The following SIPA1L3 variants were observed in gnomAD, a reference collection of about 807,000 sequenced individuals.
The protein encoded by SIPA1L3 is signal-induced proliferation-associated 1-like protein 3.
A neutral mutation model predicts 150.1 loss-of-function variants in SIPA1L3; 59 were observed. That is an observed-to-expected ratio of 0.39 (90% CI 0.32 to 0.49). The LOEUF is 0.49. SIPA1L3 is among the 20% of genes least tolerant of loss of function. SIPA1L3 has a pLI of 0.86. For missense variants in SIPA1L3, 2,211 were observed against 2,489.5 expected (o/e 0.89, Z 2.38); for synonymous variants, 1,070 against 1,077.6 (o/e 0.99, Z 0.14).
intron 2 of SIPA1L3, among the ~76,000 whole-genome samples, chr19:38,077,580 T>G (rs899735608): frequency 1.2e-4 from 18 of 151,834 alleles, no homozygotes; most frequent in Admixed American, 7.9e-4. Flanking sequence ...GCACTATTAG[T>G]TTTTTGAAAA....
intron 1 of SIPA1L3, among the ~76,000 whole-genome samples, chr19:38,024,968 C>G (rs1968467643): frequency 6.6e-6 from 1 of 152,172 alleles, no homozygotes; most frequent in African/African-American, 2.4e-5. Flanking sequence ...CAGGAATTTA[C>G]CCCTCTTTAT....
intron 1 of SIPA1L3, among the ~76,000 whole-genome samples, chr19:38,016,945 G>A (rs1364931600): frequency 1.6e-5 from 2 of 127,632 alleles, no homozygotes; most frequent in African/African-American, 6.0e-5. Context: ...CACCCAGGCT[G>A]GAGTGCAGTG....
intron 17 of SIPA1L3, 92 bp from the exon 18 acceptor site, chr19:38,193,445 G>A (rs1972847926): frequency 5.9e-6 from 8 of 1,345,350 alleles, no homozygotes; most frequent in South Asian, 3.9e-5. Context: ...GTAAGGACTC[G>A]CCACCAATGT....
At position 38,206,506 on chromosome 19, in the gene SIPA1L3, C is replaced by T. The variant is rs973098026; in HGVS notation, c.*266C>T. 1.6e-5 allele frequency: 6 copies of T among 384,178 alleles called. No individual in the cohort carries two copies. The highest frequency in any genetic ancestry group is 6.7e-4 in the Middle Eastern group (1 of 1,496). 23.8% of individuals were successfully genotyped at this position (384,178 alleles called of 1,614,324 possible). ...CCGGTGAGCTGGGCTGTGCTTACAC[C>T]GCTCCCGGGCCTGCCCCGCTGTCCC... On this transcript the variant is annotated 3_prime_UTR_variant, in exon 22 of 22. Coordinates refer to ENST00000222345, the MANE Select transcript of SIPA1L3 (RefSeq NM_015073.3).
chr19:38,160,909 C>T (rs1240513253), intron 13 of SIPA1L3, among the ~76,000 whole-genome samples: 1 of 152,152 alleles, frequency 6.6e-6, no homozygotes, highest in African/African-American at 2.4e-5. Flanking sequence ...TCACTTAGTG[C>T]AATACTATTA....
intron 10 of SIPA1L3, among the ~76,000 whole-genome samples, chr19:38,140,249 A>G (rs1971543805): frequency 6.6e-6 from 1 of 152,174 alleles, no homozygotes; most frequent in Non-Finnish European, 1.5e-5. Flanking sequence ...GACCCCTCCC[A>G]TGCAGGGCTG....
In SIPA1L3 at chr19:38,111,221, G is replaced by T. The variant is rs182127087; in HGVS notation, c.2291+837G>T. ...AAAAAAATTTTTTTTTAGTAGAGAT[G>T]GGGTCTCTCTGTTTTACCCAGGCTG... On this transcript the variant is annotated intron_variant, in intron 8 of 21. Coordinates refer to ENST00000222345, the MANE Select transcript of SIPA1L3 (RefSeq NM_015073.3). Among the ~76,000 whole-genome samples, 41 of 151,786 alleles carry T rather than the reference G, an allele frequency of 2.7e-4. No individual in the cohort carries two copies. In the East Asian group the frequency reaches 7.0e-3, roughly 26 times the overall value.
intron 1 of SIPA1L3, among the ~76,000 whole-genome samples, chr19:38,009,005 C>T (rs771229621): frequency 3.9e-5 from 6 of 152,044 alleles, no homozygotes; most frequent in African/African-American, 1.2e-4. Context: ...CTTGCTTGAG[C>T]GACCCTTGTT....
chr19:38,059,025 CAAAA>C (rs74176410), intron 2 of SIPA1L3, among the ~76,000 whole-genome samples: 4 of 90,840 alleles, frequency 4.4e-5, no homozygotes, highest in Non-Finnish European at 4.5e-5. Context: ...AACTCTGTCT[CAAAA>C]AAAAAAAAAA....
intron 2 of SIPA1L3, among the ~76,000 whole-genome samples, chr19:38,039,330 G>GC (rs1436144294): frequency 7.5e-6 from 1 of 133,444 alleles, no homozygotes; most frequent in Non-Finnish European, 1.5e-5. Context: ...TGCCATACGT[G>GC]CCCCAAAACA....
intron 2 of SIPA1L3, among the ~76,000 whole-genome samples, chr19:38,060,158 A>G (rs980169791): frequency 6.6e-6 from 1 of 152,200 alleles, no homozygotes. Context: ...TCCCTAGATG[A>G]GCAACTCTAA....
intron 1 of SIPA1L3, among the ~76,000 whole-genome samples, chr19:38,024,130 C>G (rs1017658726): frequency 6.6e-6 from 1 of 152,078 alleles, no homozygotes; most frequent in Non-Finnish European, 1.5e-5. Flanking sequence ...CCCAGAAGTA[C>G]AGGTCCAGGA....
intron 19 of SIPA1L3, among the ~76,000 whole-genome samples, chr19:38,199,051 C>G (rs1337031279): frequency 5.9e-5 from 9 of 152,190 alleles, no homozygotes; most frequent in Non-Finnish European, 1.3e-4. Flanking sequence ...CTTTTAGTGC[C>G]CTGAGGGTCC....
rs535961821 is a variant in SIPA1L3, at chr19:38,032,539, G to T, written c.-311+3383G>T. ...CTACTGGAGAATAAAACAGTAAACA[G>T]ATAAAAAGTGAATATAGGGCTGGGC... is the stretch of plus-strand genomic sequence containing the variant. On this transcript the variant is annotated intron_variant, in intron 2 of 21. Transcript: ENST00000222345. Among the ~76,000 whole-genome samples, 100 of 152,280 alleles carry T rather than the reference G, an allele frequency of 6.6e-4. 1 individual carries two copies. The highest frequency in any genetic ancestry group is 2.3e-3 in the African/African-American group (97 of 41,584).
intron 16 of SIPA1L3, among the ~76,000 whole-genome samples, chr19:38,190,008 G>A (rs1048797620): frequency 1.3e-5 from 2 of 152,158 alleles, no homozygotes; most frequent in Non-Finnish European, 2.9e-5. Flanking sequence ...CTGGCTGGGG[G>A]CTGCTGTCTG....
intron 6 of SIPA1L3, among the ~76,000 whole-genome samples, chr19:38,103,135 G>GA (rs11352510): frequency 7.9e-4 from 110 of 140,048 alleles, no homozygotes; most frequent in Middle Eastern, 3.9e-3. Flanking sequence ...TCAATCAGTA[G>GA]AAAAAAAAAA....
chr19:37,990,515 A>G (rs571427463), intron 1 of SIPA1L3, among the ~76,000 whole-genome samples: 72 of 152,314 alleles, frequency 4.7e-4, no homozygotes, highest in African/African-American at 1.5e-3. Context: ...CTGGCTGGGC[A>G]TGGAGACAAG....
At chr19:38,161,258 C>T (rs1382044207) in intron 13 of SIPA1L3, among the ~76,000 whole-genome samples, 3 of 148,630 alleles carry the variant, frequency 2.0e-5, no homozygotes, top group Non-Finnish European at 4.4e-5. Flanking sequence ...AGGAGAATCA[C>T]TTGACCTGGG....
At position 38,088,848 on chromosome 19, in the gene SIPA1L3, C is replaced by T. The variant is rs779876597; in HGVS notation, c.1662C>T (p.Arg554=). 2.5e-5 allele frequency: 40 copies of T among 1,613,548 alleles called. No individual in the cohort carries two copies. The highest frequency in any genetic ancestry group is 3.3e-4 in the Middle Eastern group (2 of 6,082). The part of the protein sequence containing the change: ...QYQYRIIFRT[R]ELITLRGSIL... ...AGTACAGGATCATCTTCCGGACCCG[C>T]GAGGTAGGTCCCATCACTCTCGTTC... Residue 554 remains arginine, a synonymous_variant, in exon 4 of 22, where the codon CGC becomes CGT. Transcript: ENST00000222345.
Sources: gnomAD v4.1 joint callset for allele counts (sites outside exome capture counted in the v4.1 genomes callset) on GRCh38, gnomAD v4.1.1 for gene constraint, MANE v1.5 for transcripts, NCBI Gene and HGNC (gene_info 2026-07-23, HGNC 2026-07-21) for gene names.